The following EFCAB6 variants were observed in gnomAD, a reference collection of about 807,000 sequenced individuals.
The protein encoded by EFCAB6 is EF-hand calcium binding domain 6.
Under a neutral mutation model 169.8 loss-of-function variants are expected in EFCAB6, and 156 were observed. The ratio of observed to expected loss-of-function variants is 0.92; its 90% CI spans 0.81 to 1.05. EFCAB6 has a LOEUF of 1.05. Ranked by LOEUF, EFCAB6 falls within the 50% of genes least tolerant of loss-of-function variation. The probability of loss-of-function intolerance (pLI) is 0.00; values close to 1 mark genes in which losing one functional copy is unlikely to be tolerated. For synonymous variants in EFCAB6, 698 were observed against 676.4 expected (o/e 1.03, Z -0.50); for missense variants, 1,800 against 1,829.1 (o/e 0.98, Z 0.29).
chr22:43,576,734 G>A (rs2050280704), intron 25 of EFCAB6, among the ~76,000 whole-genome samples: 1 of 152,148 alleles, frequency 6.6e-6, no homozygotes, highest in Admixed American at 6.5e-5. Flanking sequence ...TTGGATGTGA[G>A]GAGGAAGGAG....
intron 17 of EFCAB6, among the ~76,000 whole-genome samples, chr22:43,664,694 G>C (rs368698367): frequency 1.8e-4 from 28 of 152,354 alleles, no homozygotes; most frequent in Non-Finnish European, 2.8e-4. Context: ...GCCAGCCTCT[G>C]TCTGAGGGGA....
intron 2 of EFCAB6, among the ~76,000 whole-genome samples, chr22:43,792,998 G>A (rs558500865): frequency 1.2e-4 from 18 of 152,194 alleles, no homozygotes; most frequent in African/African-American, 3.6e-4. Context: ...GCACAGAACC[G>A]TTCTCTTTAT....
intron 6 of EFCAB6, among the ~76,000 whole-genome samples, chr22:43,749,100 G>C (rs1157201168): frequency 2.6e-5 from 4 of 152,194 alleles, no homozygotes; most frequent in Non-Finnish European, 5.9e-5. Flanking sequence ...TTGGGATCTA[G>C]TTCAGGATAC....
intron 24 of EFCAB6, among the ~76,000 whole-genome samples, chr22:43,586,009 A>G (rs1484028445): frequency 1.3e-5 from 2 of 152,266 alleles, no homozygotes; most frequent in Non-Finnish European, 2.9e-5. Context: ...ACCCTTCAAG[A>G]AATGTAAAAA....
intron 10 of EFCAB6, among the ~76,000 whole-genome samples, chr22:43,707,410 T>C (rs1006692793): frequency 6.6e-6 from 1 of 151,690 alleles, no homozygotes; most frequent in African/African-American, 2.4e-5. Context: ...AACTGAAAAA[T>C]ACGAATTCTC....
chr22:43,620,115 C>T (rs763532070), intron 20 of EFCAB6, among the ~76,000 whole-genome samples: 6 of 152,014 alleles, frequency 3.9e-5, no homozygotes, highest in Non-Finnish European at 7.4e-5. Context: ...CTCAGGAGTT[C>T]GAGACCAGCA....
intron 27 of EFCAB6, among the ~76,000 whole-genome samples, chr22:43,549,867 C>G (rs377672531): frequency 6.6e-6 from 1 of 152,112 alleles, no homozygotes; most frequent in African/African-American, 2.4e-5. Context: ...TCAGAAAGTC[C>G]GTTAATGTAA....
intron 18 of EFCAB6, among the ~76,000 whole-genome samples, chr22:43,634,176 A>G (rs2055200928): frequency 6.6e-6 from 1 of 151,976 alleles, no homozygotes; most frequent in Admixed American, 6.5e-5. Context: ...AAATGAATAC[A>G]CCTGGCAGGT....
Position 43,695,667 on chromosome 22 carries a change from T to C in EFCAB6, c.1032-8086A>G, listed in dbSNP as rs73174328. Among the ~76,000 whole-genome samples the C allele has an allele frequency of 1.8e-3, 280 of 152,214 alleles. 1 individual carries two copies. Among genetic ancestry groups the C allele is most frequent in the Non-Finnish European group, 3.1e-3 (211 of 67,936 alleles). On this transcript the variant is annotated intron_variant, in intron 10 of 31. Coordinates refer to ENST00000262726, the MANE Select transcript of EFCAB6 (RefSeq NM_022785.4). ...ACAGAGACTAAGGAATCCAGAAATATACTCACACTTATATGGTTAGTTAAT... is the reference window on the plus strand; with the variant it reads ...ACAGAGACTAAGGAATCCAGAAATACACTCACACTTATATGGTTAGTTAAT...
chr22:43,759,626 T>C (rs374500694), intron 5 of EFCAB6: 1 of 152,244 alleles, frequency 6.6e-6, no homozygotes, highest in African/African-American at 2.4e-5. Context: ...TTATAGATGA[T>C]ACAAGGTCCT....
At chr22:43,593,352 G>A (rs1028857961) in intron 23 of EFCAB6, among the ~76,000 whole-genome samples, 22 of 152,282 alleles carry the variant, frequency 1.4e-4, no homozygotes, top group African/African-American at 5.1e-4. Flanking sequence ...GCTCCGTGTG[G>A]AACAGAGGCA....
intron 6 of EFCAB6, among the ~76,000 whole-genome samples, chr22:43,752,851 G>GA (rs2060820302): frequency 1.3e-5 from 2 of 152,150 alleles, no homozygotes; most frequent in South Asian, 2.1e-4. Context: ...TCTCATAAGG[G>GA]AAAAAAACCA....
chr22:43,803,207 T>C (rs971910394), intron 2 of EFCAB6, among the ~76,000 whole-genome samples: 10 of 152,200 alleles, frequency 6.6e-5, no homozygotes, highest in Admixed American at 6.5e-4. Context: ...GACTTTCCAG[T>C]GAAACCACTG....
At chr22:43,727,668 T>C (rs570490132) in intron 8 of EFCAB6, among the ~76,000 whole-genome samples, 4 of 152,190 alleles carry the variant, frequency 2.6e-5, no homozygotes, top group Non-Finnish European at 5.9e-5. Context: ...GTCCATACAC[T>C]GCACATGAAT....
chr22:43,790,580 C>T (rs2062246623), intron 2 of EFCAB6, among the ~76,000 whole-genome samples: 1 of 152,166 alleles, frequency 6.6e-6, no homozygotes, highest in African/African-American at 2.4e-5. Context: ...GTTAGGAAGA[C>T]AAGGAAGAAA....
chr22:43,625,336 T>C (rs999348485), intron 20 of EFCAB6, among the ~76,000 whole-genome samples: 2 of 152,164 alleles, frequency 1.3e-5, no homozygotes, highest in Non-Finnish European at 2.9e-5. Flanking sequence ...TGATGCTGTA[T>C]CATCACATGG....
chr22:43,692,383 C>T (rs1355789951), intron 10 of EFCAB6, among the ~76,000 whole-genome samples: 1 of 152,030 alleles, frequency 6.6e-6, no homozygotes, highest in Non-Finnish European at 1.5e-5. Context: ...AAAAATTGAA[C>T]TCATACTAAA....
intron 17 of EFCAB6, among the ~76,000 whole-genome samples, chr22:43,650,834 C>T (rs868202884): frequency 1.3e-4 from 20 of 152,004 alleles, no homozygotes; most frequent in South Asian, 4.2e-4. Flanking sequence ...AAAAGACTGG[C>T]AGCATTTTGC....
chr22:43,638,811 G>A (rs1284737417), intron 17 of EFCAB6, among the ~76,000 whole-genome samples: 1 of 145,828 alleles, frequency 6.9e-6, no homozygotes, highest in Non-Finnish European at 1.5e-5. Flanking sequence ...TTGAGACGGA[G>A]TTTCGCTCTT....
Sources: gnomAD v4.1 joint callset for allele counts (sites outside exome capture counted in the v4.1 genomes callset) on GRCh38, gnomAD v4.1.1 for gene constraint, MANE v1.5 for transcripts, NCBI Gene and HGNC (gene_info 2026-07-23, HGNC 2026-07-21) for gene names.